The following NOL4 variants were observed in gnomAD, a reference collection of about 807,000 sequenced individuals.
NOL4 encodes nucleolar protein 4.
A neutral mutation model predicts 75.9 loss-of-function variants in NOL4; 17 were observed. That is an observed-to-expected ratio of 0.22 (90% CI 0.15 to 0.34). The LOEUF is 0.34. Among genes scored for constraint, NOL4 ranks in the 10% least tolerant of loss-of-function variants. The pLI is 1.00. For synonymous variants in NOL4, 292 were observed against 289.9 expected, an observed-to-expected ratio of 1.01 and a Z score of -0.07; for missense variants, 614 against 793.5, an observed-to-expected ratio of 0.77 and a Z score of 2.72.
intron 6 of NOL4, among the ~76,000 whole-genome samples, chr18:33,988,042 CAG>C (rs2072603838): frequency 6.6e-6 from 1 of 152,042 alleles, no homozygotes; most frequent in Non-Finnish European, 1.5e-5. Context: ...AGGTCAAACA[CAG>C]GGGGAAGGGC....
chr18:34,188,214 T>C (rs2034639849), intron 1 of NOL4, among the ~76,000 whole-genome samples: 1 of 152,144 alleles, frequency 6.6e-6, no homozygotes, highest in Non-Finnish European at 1.5e-5. Context: ...GCCACTAAAA[T>C]AATTGTTGAA....
At chr18:34,100,323 T>C (rs1175050846) in intron 4 of NOL4, among the ~76,000 whole-genome samples, 5 of 152,046 alleles carry the variant, frequency 3.3e-5, no homozygotes, top group Non-Finnish European at 7.4e-5. Flanking sequence ...AAAAAATATA[T>C]AATAAAAAAC....
intron 4 of NOL4, among the ~76,000 whole-genome samples, chr18:34,103,254 A>G (rs2079122762): frequency 6.6e-6 from 1 of 152,028 alleles, no homozygotes; most frequent in African/African-American, 2.4e-5. Context: ...GAATGCATCT[A>G]TTGAGTATTA....
At chr18:33,927,980 T>C (rs2145369441) in intron 9 of NOL4, among the ~76,000 whole-genome samples, 1 of 152,312 alleles carries the variant, frequency 6.6e-6, no homozygotes, top group East Asian at 1.9e-4. Context: ...TCAGTTTCTC[T>C]AATACACATA....
At chr18:34,202,224 T>G (rs557989835) in intron 1 of NOL4, among the ~76,000 whole-genome samples, 4 of 152,006 alleles carry the variant, frequency 2.6e-5, no homozygotes, top group African/African-American at 9.6e-5. Context: ...CATGCAGGGT[T>G]CTAAGGATAC....
intron 1 of NOL4, among the ~76,000 whole-genome samples, chr18:34,167,800 G>C (rs1466035226): frequency 6.6e-6 from 1 of 152,048 alleles, no homozygotes; most frequent in East Asian, 1.9e-4. Flanking sequence ...AGGGAGTAGG[G>C]AGAAGCAGTG....
intron 9 of NOL4, among the ~76,000 whole-genome samples, chr18:33,908,236 A>C (rs2066181521): frequency 6.6e-6 from 1 of 152,212 alleles, no homozygotes; most frequent in African/African-American, 2.4e-5. Context: ...TGAAAAATAC[A>C]ATTAATGTCT....
intron 1 of NOL4, among the ~76,000 whole-genome samples, chr18:34,149,419 G>T (rs34156182): frequency 0.18 from 26,821 of 151,360 alleles, 2,684 homozygotes; most frequent in Non-Finnish European, 0.23. Context: ...TAGTAACTTT[G>T]TTAGGGTGCA....
chr18:33,857,895 G>A (rs1347840635), intron 10 of NOL4, among the ~76,000 whole-genome samples: 7 of 151,998 alleles, frequency 4.6e-5, no homozygotes, highest in African/African-American at 9.7e-5. Context: ...GTTCCACTTC[G>A]GATTGTATTG....
At chr18:33,937,788 T>G (rs901180262) in intron 9 of NOL4, among the ~76,000 whole-genome samples, 1 of 152,134 alleles carries the variant, frequency 6.6e-6, no homozygotes, top group African/African-American at 2.4e-5. Flanking sequence ...GTTTATACAC[T>G]TTTAAGATAC....
rs1455095049 is a variant in NOL4 at position 34,176,030 on chromosome 18, CAA to C, written c.265-46012_265-46011del. ...AAACTAGTTTATTGGATTTACTGGA[CAA>C]AGACTTTAAATCAGCCAATTTAAAT... On this transcript the variant is annotated intron_variant, in intron 1 of 10. Coordinates refer to ENST00000261592, the MANE Select transcript of NOL4 (RefSeq NM_003787.5). Among the ~76,000 whole-genome samples the C allele has an allele frequency of 5.9e-5, 9 of 151,862 alleles. No individual in the cohort carries two copies. The East Asian group carries it at 1.5e-3, about 26-fold the overall frequency.
chr18:34,088,559 C>T (rs910864336), intron 5 of NOL4, among the ~76,000 whole-genome samples: 2 of 151,996 alleles, frequency 1.3e-5, no homozygotes, highest in African/African-American at 2.4e-5. Context: ...TTCTGTGAAC[C>T]GCAGCCATTG....
Position 34,128,788 on chromosome 18 carries a change from A to G in NOL4, c.414+1083T>C, listed in dbSNP as rs1425182886. Reference sequence around the variant, plus strand: ...AATATGACCCTGGAAATATAGCAAAAAATAGTTATGAAAAAGAAGCTATTT... The same window carrying G: ...AATATGACCCTGGAAATATAGCAAAGAATAGTTATGAAAAAGAAGCTATTT... On this transcript the variant is annotated intron_variant, in intron 2 of 10. Coordinates refer to ENST00000261592, the MANE Select transcript of NOL4 (RefSeq NM_003787.5). 3 of 666,544 alleles carry G rather than the reference A, an allele frequency of 4.5e-6. No individual in the cohort carries two copies. In the African/African-American group the frequency reaches 5.9e-5, roughly 13 times the overall value. The allele number at this position is 666,544 out of a possible 1,614,324, so 41.3% of individuals were successfully genotyped here.
chr18:34,146,486 C>G (rs1026636577), intron 1 of NOL4, among the ~76,000 whole-genome samples: 6 of 152,082 alleles, frequency 3.9e-5, no homozygotes, highest in Non-Finnish European at 8.8e-5. Flanking sequence ...ATAGGGAATC[C>G]TTTCCCCATT....
intron 4 of NOL4, among the ~76,000 whole-genome samples, chr18:34,096,654 T>C (rs1351159199): frequency 1.3e-5 from 2 of 152,078 alleles, no homozygotes; most frequent in African/African-American, 4.8e-5. Context: ...AGAAAAAAAC[T>C]CTCCACATCA....
chr18:34,139,966 G>A lies in NOL4; in HGVS notation c.265-9946C>T, dbSNP rs112515718. ...GTAGTCATTCAGGAGCAGGTTGTTCGGTTTCCATGTAGTTGAGCAGTTTTA... is the reference window on the plus strand; with the variant it reads ...GTAGTCATTCAGGAGCAGGTTGTTCAGTTTCCATGTAGTTGAGCAGTTTTA... On this transcript the variant is annotated intron_variant, in intron 1 of 10. Coordinates refer to ENST00000261592, the MANE Select transcript of NOL4 (RefSeq NM_003787.5). Among the ~76,000 whole-genome samples, 1,369 of 152,082 alleles carry A rather than the reference G, an allele frequency of 9.0e-3. 10 individuals are homozygous for A. Among genetic ancestry groups the A allele is most frequent in the African/African-American group, 0.031 (1,273 of 41,528 alleles).
intron 5 of NOL4, among the ~76,000 whole-genome samples, chr18:34,043,276 G>A (rs1407455135): frequency 6.6e-6 from 1 of 152,082 alleles, no homozygotes; most frequent in Admixed American, 6.6e-5. Context: ...ATGCAAATAT[G>A]TATGTATGCA....
intron 1 of NOL4, among the ~76,000 whole-genome samples, chr18:34,207,408 A>G (rs1022573061): frequency 1.3e-5 from 2 of 152,166 alleles, no homozygotes; most frequent in Non-Finnish European, 2.9e-5. Context: ...TTCACAGTTA[A>G]TGATTCCAAT....
At chr18:33,982,502 A>G (rs989478191) in intron 6 of NOL4, among the ~76,000 whole-genome samples, 2 of 152,194 alleles carry the variant, frequency 1.3e-5, no homozygotes, top group Non-Finnish European at 2.9e-5. Context: ...CAATTCTCCA[A>G]GAAGACAGAA....
Sources: allele counts gnomAD v4.1 joint callset (sites outside exome capture counted in the v4.1 genomes callset), GRCh38; gene constraint gnomAD v4.1.1; transcripts MANE v1.5; gene names NCBI Gene and HGNC (gene_info 2026-07-23, HGNC 2026-07-21).